Variants in TRIP12 observed in about 807,000 individuals in gnomAD.
The protein encoded by TRIP12 is thyroid hormone receptor interactor 12.
Under a neutral mutation model 244.2 loss-of-function variants are expected in TRIP12, and 25 were observed. The observed-to-expected ratio is 0.10, with a 90% CI of 0.07 to 0.14. The LOEUF is 0.14. TRIP12 is among the 10% of genes least tolerant of loss of function. The pLI is 1.00. For synonymous variants in TRIP12, 905 were observed against 873.1 expected (o/e 1.04, Z -0.64); for missense variants, 1,677 against 2,486.4 (o/e 0.67, Z 6.92).
At chr2:229,912,545 C>A (rs1224385456) in intron 1 of TRIP12, among the ~76,000 whole-genome samples, 1 of 152,136 alleles carries the variant, frequency 6.6e-6, no homozygotes, top group Non-Finnish European at 1.5e-5. Flanking sequence ...CACCTTTAAG[C>A]TCCCCATTCT....
At chr2:229,784,770 C>A (rs2039452547) in intron 34 of TRIP12, among the ~76,000 whole-genome samples, 1 of 152,116 alleles carries the variant, frequency 6.6e-6, no homozygotes, top group African/African-American at 2.4e-5. Flanking sequence ...AAAACAATAC[C>A]AAGTGTTGTG....
At chr2:229,793,622 T>G (rs1469803595) in intron 26 of TRIP12, among the ~76,000 whole-genome samples, 1 of 152,244 alleles carries the variant, frequency 6.6e-6, no homozygotes, top group Non-Finnish European at 1.5e-5. Flanking sequence ...TATAATAGTT[T>G]TGAACGAAGC....
At chr2:229,812,111 CAG>C (rs2047404158) in intron 13 of TRIP12, among the ~76,000 whole-genome samples, 1 of 152,082 alleles carries the variant, frequency 6.6e-6, no homozygotes, top group African/African-American at 2.4e-5. Context: ...ATTTTTGAGA[CAG>C]AGTTTCGCTC....
At chr2:229,839,227 G>A (rs776314768) in intron 5 of TRIP12, among the ~76,000 whole-genome samples, 9 of 152,180 alleles carry the variant, frequency 5.9e-5, no homozygotes, top group East Asian at 1.9e-4. Context: ...GTAAGGTAAC[G>A]TGTTTTACAG....
intron 1 of TRIP12, among the ~76,000 whole-genome samples, chr2:229,900,126 A>G (rs559319226): frequency 6.6e-6 from 1 of 152,336 alleles, no homozygotes; most frequent in Admixed American, 6.5e-5. Context: ...CTATGTACAG[A>G]CTGTTATACA....
At chr2:229,873,500 G>A (rs1206112684) in intron 2 of TRIP12, among the ~76,000 whole-genome samples, 1 of 152,144 alleles carries the variant, frequency 6.6e-6, no homozygotes, top group African/African-American at 2.4e-5. Context: ...CAATGACATG[G>A]GCAATGTTAA....
At chr2:229,883,396 T>C (rs1190038685) in intron 1 of TRIP12, among the ~76,000 whole-genome samples, 2 of 152,248 alleles carry the variant, frequency 1.3e-5, no homozygotes, top group Non-Finnish European at 2.9e-5. Context: ...TACCATATAT[T>C]ACTTAATTTT....
intron 17 of TRIP12, among the ~76,000 whole-genome samples, chr2:229,806,493 A>G (rs1022236973): frequency 3.3e-5 from 5 of 152,228 alleles, no homozygotes; most frequent in African/African-American, 1.2e-4. Context: ...AAATATTCTC[A>G]TTACAGAATC....
intron 1 of TRIP12, among the ~76,000 whole-genome samples, chr2:229,917,242 G>T (rs1045144908): frequency 6.6e-6 from 1 of 151,494 alleles, no homozygotes; most frequent in African/African-American, 2.4e-5. Context: ...TTAGCTGGGC[G>T]TGGTGGCTGG....
At position 229,796,624 on chromosome 2, in the gene TRIP12, T is replaced by G. The variant is rs754470138; in HGVS notation, c.3783A>C (p.Leu1261Phe). 4.4e-6 allele frequency: 7 copies of G among 1,600,016 alleles called. No homozygotes were observed. The highest frequency in any genetic ancestry group is 5.9e-6 in the Non-Finnish European group (7 of 1,176,636). Residue 1261 changes from leucine to phenylalanine, a missense_variant, in exon 25 of 42, where the codon TTA becomes TTC. By Grantham distance (22) the Leu-to-Phe change is conservative. Around this residue, in one of 11 missense-constraint regions of TRIP12, gnomAD observed 77 missense variants for 69.2 expected, o/e 1.11. Coordinates refer to ENST00000675903, the MANE Select transcript of TRIP12 (RefSeq NM_001348323.3). Reference sequence around the variant, plus strand: ...AAAAAAATACATGAAGAAATCGCTTTAATCTGATCTCTCTGCTCACAGCAT... The same window carrying G: ...AAAAAAATACATGAAGAAATCGCTTGAATCTGATCTCTCTGCTCACAGCAT... ...EKDAVSREIR[L>F]KRFLHVFFSS...
intron 27 of TRIP12, 30 bp from the exon 28 acceptor site, chr2:229,792,256 T>C: frequency 1.2e-6 from 2 of 1,601,706 alleles, no homozygotes; most frequent in Non-Finnish European, 1.7e-6. Flanking sequence ...TTTAAACTCT[T>C]AGCGATTTTA....
At chr2:229,830,561 G>A (rs749515824) in intron 7 of TRIP12, among the ~76,000 whole-genome samples, 195 bp downstream of exon 7, 9 of 152,148 alleles carry the variant, frequency 5.9e-5, no homozygotes, top group Non-Finnish European at 1.2e-4. Flanking sequence ...TAGTGAAACA[G>A]TAAACACGAA....
chr2:229,787,398 A>G, intron 33 of TRIP12, 107 bp downstream of exon 33: 1 of 1,186,598 alleles, frequency 8.4e-7, no homozygotes, highest in Non-Finnish European at 1.2e-6. Context: ...GCTGAATATG[A>G]CCAAGGCCTC....
intron 1 of TRIP12, among the ~76,000 whole-genome samples, chr2:229,917,099 G>A (rs1354084669): frequency 3.3e-5 from 5 of 151,984 alleles, no homozygotes; most frequent in Admixed American, 2.0e-4. Context: ...ACCAAGCACT[G>A]GCCGGGCGCG....
At chr2:229,861,006 C>A (rs2154337559) in intron 2 of TRIP12, among the ~76,000 whole-genome samples, 1 of 152,256 alleles carries the variant, frequency 6.6e-6, no homozygotes, top group East Asian at 1.9e-4. Context: ...GTAAACACAG[C>A]AAATGCAGAG....
chr2:229,921,074 T>C (rs553482741), intron 1 of TRIP12, among the ~76,000 whole-genome samples: 4 of 150,250 alleles, frequency 2.7e-5, no homozygotes, highest in African/African-American at 9.8e-5. Context: ...TCCATTCTGA[T>C]CTATTTAAAA....
intron 18 of TRIP12, among the ~76,000 whole-genome samples, chr2:229,805,092 A>G (rs1324394021): frequency 1.3e-5 from 2 of 151,910 alleles, no homozygotes; most frequent in African/African-American, 4.8e-5. Flanking sequence ...TTTTTAGTAG[A>G]GATAGGGTTT....
chr2:229,859,056 G>C lies in TRIP12; in HGVS notation c.743C>G (p.Ser248Cys). ...GGAGGAGGCCGAGGCTACAGCAGAA[G>C]ACGAGGAGGAAGTAGAGGCAGCAGA... The part of the protein sequence containing the change: ...SSSAASTSSS[S>C]SAVASASSTV... Residue 248 changes from serine to cysteine, a missense_variant, in exon 4 of 42, where the codon TCT (serine) becomes TGT (cysteine). Around this residue, in one of 11 missense-constraint regions of TRIP12, gnomAD observed 387 missense variants for 392.6 expected, o/e 0.99. Transcript: ENST00000675903. The C allele has an allele frequency of 6.2e-7, 1 of 1,614,216 alleles. No homozygotes were observed. Among genetic ancestry groups the C allele is most frequent in the Non-Finnish European group, 8.5e-7 (1 of 1,180,044 alleles).
chr2:229,790,540 A>AG (rs71396611), intron 30 of TRIP12, among the ~76,000 whole-genome samples: 174 of 101,604 alleles, frequency 1.7e-3, no homozygotes, highest in Non-Finnish European at 2.2e-3. Context: ...GAGCAGGGGG[A>AG]GGGGGGGGTG....
Sources: allele counts gnomAD v4.1 joint callset (sites outside exome capture counted in the v4.1 genomes callset), GRCh38; gene constraint gnomAD v4.1.1; regional missense constraint gnomAD v4.1.1; transcripts MANE v1.5; gene names NCBI Gene and HGNC (gene_info 2026-07-23, HGNC 2026-07-21).